Variants in KIRREL1 observed in about 807,000 individuals in gnomAD.
KIRREL1 encodes kin of IRRE-like protein 1.
KIRREL1 carries 25 observed loss-of-function variants against 83.3 expected under a neutral mutation model. The observed-to-expected ratio is 0.30, with a 90% CI of 0.22 to 0.42. The LOEUF (loss-of-function observed/expected upper bound fraction) is 0.42, where lower values mean the gene tolerates loss of function less well. Among genes scored for constraint, KIRREL1 ranks in the 10% least tolerant of loss-of-function variants. KIRREL1 has a pLI of 1.00. For missense variants in KIRREL1, 812 were observed against 1,032.3 expected, an observed-to-expected ratio of 0.79 and a Z score of 2.92; for synonymous variants, 388 against 410.4, an observed-to-expected ratio of 0.95 and a Z score of 0.66.
intron 1 of KIRREL1, among the ~76,000 whole-genome samples, chr1:158,018,501 T>G (rs776830544): frequency 2.6e-5 from 4 of 152,186 alleles, no homozygotes; most frequent in Non-Finnish European, 4.4e-5. Flanking sequence ...AACCTGGGAA[T>G]GCAGTGTGGC....
rs955062686 is a variant in KIRREL1 at position 158,096,881 on chromosome 1, G to C, written c.*1761G>C. ...AAAATGTTCCTCGCCCTTTCTCCGT[G>C]GTCACCATTCATAATTCATGTTCGC... On this transcript the variant is annotated 3_prime_UTR_variant, in exon 15 of 15. Coordinates refer to ENST00000359209, the MANE Select transcript of KIRREL1 (RefSeq NM_018240.7). 2.2e-6 allele frequency: 1 copy of C among 456,584 alleles called. No individual in the cohort carries two copies. The highest frequency in any genetic ancestry group is 4.4e-6 in the Non-Finnish European group (1 of 226,992). The allele number at this position is 456,584 out of a possible 1,614,324, so 28.3% of individuals were successfully genotyped here.
intron 1 of KIRREL1, among the ~76,000 whole-genome samples, chr1:158,056,496 G>A (rs1470662873): frequency 2.6e-5 from 4 of 152,152 alleles, no homozygotes; most frequent in African/African-American, 9.7e-5. Context: ...GAGAGGCAGG[G>A]GTCAGGTTGG....
intron 11 of KIRREL1, among the ~76,000 whole-genome samples, chr1:158,092,607 A>G (rs539941294): frequency 6.6e-6 from 1 of 152,250 alleles, no homozygotes; most frequent in East Asian, 1.9e-4. Flanking sequence ...TCGGCCTCCC[A>G]AAGTGCTGGG....
intron 1 of KIRREL1, among the ~76,000 whole-genome samples, chr1:157,997,535 A>C (rs1182676943): frequency 6.6e-6 from 1 of 151,800 alleles, no homozygotes; most frequent in African/African-American, 2.4e-5. Flanking sequence ...GGCTTCAGTA[A>C]GTGCCTTCTT....
rs57076623 is a variant in KIRREL1, at chr1:158,069,302, T to TTGTGTGTGTG, written c.53-6778_53-6769dup. 2.2e-3 allele frequency among the ~76,000 whole-genome samples: 317 copies of TTGTGTGTGTG among 143,370 alleles called. 1 individual carries two copies. The highest frequency in any genetic ancestry group is 3.6e-3 in the Non-Finnish European group (240 of 65,886). The allele number at this position is 143,370 out of a possible 152,430, so 94.1% of individuals were successfully genotyped here. A position where few individuals can be genotyped will look rare whatever the true frequency, so the allele number is the denominator to read the frequency against. On this transcript the variant is annotated intron_variant, in intron 1 of 14. Transcript: ENST00000359209. ...TCCCTATAAGAAGTGTATGACGTAC[T>TTGTGTGTGTG]TGTGTGTGTGTGTGTGTGTGTGTGT...
intron 1 of KIRREL1, among the ~76,000 whole-genome samples, chr1:158,008,104 GTC>G (rs1659572240): frequency 6.6e-6 from 1 of 152,000 alleles, no homozygotes; most frequent in South Asian, 2.1e-4. Flanking sequence ...GATAATTACA[GTC>G]TCCTGGGCAC....
chr1:158,066,931 C>G lies in KIRREL1; in HGVS notation c.53-9182C>G, dbSNP rs563035786. On this transcript the variant is annotated intron_variant, in intron 1 of 14. Transcript: ENST00000359209. ...CAGCAGAACCATCCATCAGCCCTACCACCCCCTTTCTGCTCCCACCTGTCT... is the reference window on the plus strand; with the variant it reads ...CAGCAGAACCATCCATCAGCCCTACGACCCCCTTTCTGCTCCCACCTGTCT... Among the ~76,000 whole-genome samples the G allele has an allele frequency of 7.3e-4, 111 of 152,288 alleles. 1 individual carries two copies. The highest frequency in any genetic ancestry group is 2.6e-3 in the African/African-American group (107 of 41,560).
At chr1:158,029,372 T>TGTGTGTGTGTGTGTGCGC (rs1190966368) in intron 1 of KIRREL1, among the ~76,000 whole-genome samples, 1 of 149,396 alleles carries the variant, frequency 6.7e-6, no homozygotes, top group Non-Finnish European at 1.5e-5. Context: ...TGTGTGCACG[T>TGTGTGTGTGTGTGTGCGC]GCGCGCGCAT....
At chr1:158,045,789 G>A (rs979683792) in intron 1 of KIRREL1, among the ~76,000 whole-genome samples, 6 of 152,174 alleles carry the variant, frequency 3.9e-5, no homozygotes, top group East Asian at 1.9e-4. Context: ...TTCTAATCAC[G>A]TGGTTGATCT....
At position 158,035,725 on chromosome 1, in the gene KIRREL1, T is replaced by A. The variant is rs1660457950; in HGVS notation, c.53-40388T>A. ...TTACCAGTCCATGATCTGTCGGGGC[T>A]TTAAAGAACCACTTTGATGGAGACA... is the stretch of plus-strand genomic sequence containing the variant. On this transcript the variant is annotated intron_variant, in intron 1 of 14. Transcript: ENST00000359209. Among the ~76,000 whole-genome samples the A allele has an allele frequency of 2.0e-5, 3 of 152,142 alleles. No homozygotes were observed. The South Asian group carries it at 6.2e-4, about 32-fold the overall frequency.
At chr1:158,007,647 G>A (rs149224954) in intron 1 of KIRREL1, among the ~76,000 whole-genome samples, 79 of 152,154 alleles carry the variant, frequency 5.2e-4, no homozygotes, top group African/African-American at 4.1e-4. Context: ...TGCAGCATGG[G>A]CAGCCTGTCC....
At chr1:158,074,963 G>A (rs1461720020) in intron 1 of KIRREL1, among the ~76,000 whole-genome samples, 1 of 152,136 alleles carries the variant, frequency 6.6e-6, no homozygotes, top group Non-Finnish European at 1.5e-5. Context: ...CTTTTGGGGA[G>A]AGCCGATTTC....
intron 1 of KIRREL1, among the ~76,000 whole-genome samples, chr1:158,038,265 C>T (rs563818195): frequency 2.2e-4 from 33 of 152,306 alleles, no homozygotes; most frequent in African/African-American, 7.2e-4. Flanking sequence ...CTCTGTGCCC[C>T]GCACTGCTCT....
chr1:158,068,847 G>GA (rs769466987), intron 1 of KIRREL1, among the ~76,000 whole-genome samples: 1 of 152,200 alleles, frequency 6.6e-6, no homozygotes, highest in African/African-American at 2.4e-5. Flanking sequence ...GCCAAGATGT[G>GA]AGAGCAGAGA....
chr1:158,012,950 C>G (rs1025332193), intron 1 of KIRREL1, among the ~76,000 whole-genome samples: 4 of 152,212 alleles, frequency 2.6e-5, no homozygotes, highest in African/African-American at 4.8e-5. Context: ...TGGCCTCTAC[C>G]TACTGGAAGC....
intron 1 of KIRREL1, among the ~76,000 whole-genome samples, chr1:158,059,590 C>T (rs755740926): frequency 2.6e-5 from 4 of 151,950 alleles, no homozygotes; most frequent in South Asian, 2.1e-4. Flanking sequence ...TAGAGTTAGG[C>T]GAAATGAGAT....
At chr1:158,045,362 T>A (rs1024508786) in intron 1 of KIRREL1, among the ~76,000 whole-genome samples, 5 of 152,214 alleles carry the variant, frequency 3.3e-5, no homozygotes, top group Non-Finnish European at 7.3e-5. Flanking sequence ...AGCTTCAAAT[T>A]TGGGAGTCCC....
At chr1:158,012,418 C>CTGCTTCA (rs1276717335) in intron 1 of KIRREL1, among the ~76,000 whole-genome samples, 1 of 152,150 alleles carries the variant, frequency 6.6e-6, no homozygotes, top group Non-Finnish European at 1.5e-5. Flanking sequence ...ACAGTGGCAT[C>CTGCTTCA]TGCTTCATGG....
chr1:158,100,050 T>C lies in KIRREL1; in HGVS notation c.*4930T>C, dbSNP rs541976370. The C allele has an allele frequency of 6.6e-5, 10 of 152,136 alleles. No homozygotes were observed. In the South Asian group the frequency reaches 2.1e-3, roughly 32 times the overall value. The allele number at this position is 152,136 out of a possible 1,614,324, so 9.4% of individuals were successfully genotyped here. ...AAATAAATGGATCCATGATGATAAT[T>C]AAGAGAAGAGAAAAAAAGATATTAT... is the stretch of plus-strand genomic sequence containing the variant. On this transcript the variant is annotated 3_prime_UTR_variant, in exon 15 of 15. Transcript: ENST00000359209.
Sources: allele counts gnomAD v4.1 joint callset (sites outside exome capture counted in the v4.1 genomes callset), GRCh38; gene constraint gnomAD v4.1.1; transcripts MANE v1.5; gene names NCBI Gene and HGNC (gene_info 2026-07-23, HGNC 2026-07-21).